The following MDFIC2 variants were observed in gnomAD, a reference collection of about 807,000 sequenced individuals.
The protein encoded by MDFIC2 is myoD family inhibitor domain-containing protein 2.
intron 2 of MDFIC2, among the ~76,000 whole-genome samples, chr3:70,238,110 A>G (rs1388318521): frequency 6.8e-6 from 1 of 147,940 alleles, no homozygotes; most frequent in African/African-American, 2.5e-5. Flanking sequence ...TGCTCCTCAC[A>G]CAGACATATG....
intron 2 of MDFIC2, among the ~76,000 whole-genome samples, chr3:70,207,979 C>T (rs1701308900): frequency 6.6e-6 from 1 of 151,962 alleles, no homozygotes; most frequent in Non-Finnish European, 1.5e-5. Flanking sequence ...CAGGCGTGGA[C>T]CTTGACCTTC....
At chr3:70,246,249 T>C (rs76246904) in intron 2 of MDFIC2, among the ~76,000 whole-genome samples, 2,336 of 152,166 alleles carry the variant, frequency 0.015, 42 homozygotes, top group African/African-American at 0.051. Flanking sequence ...AAAATTTCTG[T>C]TTTGTTCACC....
At chr3:70,218,320 T>C (rs1701433615) in intron 2 of MDFIC2, among the ~76,000 whole-genome samples, 1 of 152,178 alleles carries the variant, frequency 6.6e-6, no homozygotes, top group South Asian at 2.1e-4. Context: ...TGTGTATGCA[T>C]GTGCACATGG....
intron 2 of MDFIC2, among the ~76,000 whole-genome samples, chr3:70,224,854 G>T (rs1231036895): frequency 4.6e-5 from 7 of 151,892 alleles, no homozygotes; most frequent in Non-Finnish European, 8.8e-5. Context: ...ATCCAACAAA[G>T]AAAGGAGATG....
At chr3:70,270,204 G>A (rs546575673) in intron 2 of MDFIC2, among the ~76,000 whole-genome samples, 1 of 152,254 alleles carries the variant, frequency 6.6e-6, no homozygotes, top group Admixed American at 6.5e-5. Context: ...AAAAAAAGTG[G>A]TGGAAGTCTC....
intron 2 of MDFIC2, among the ~76,000 whole-genome samples, chr3:70,246,791 T>C (rs1701711502): frequency 6.6e-6 from 1 of 152,044 alleles, no homozygotes; most frequent in Non-Finnish European, 1.5e-5. Flanking sequence ...AAAAAACATT[T>C]TTAGAGGGAA....
intron 2 of MDFIC2, among the ~76,000 whole-genome samples, chr3:70,224,563 G>T (rs978098677): frequency 6.6e-6 from 1 of 152,086 alleles, no homozygotes; most frequent in Admixed American, 6.6e-5. Context: ...TATAATTTCC[G>T]CAATGCTCAC....
chr3:70,289,998 G>T (rs1369521105), intron 2 of MDFIC2, among the ~76,000 whole-genome samples: 5 of 152,038 alleles, frequency 3.3e-5, no homozygotes, highest in African/African-American at 9.7e-5. Flanking sequence ...CTTTGCCTTT[G>T]GTTTGAATGT....
At chr3:70,287,199 A>G (rs530500171) in intron 2 of MDFIC2, among the ~76,000 whole-genome samples, 2 of 138,196 alleles carry the variant, frequency 1.4e-5, no homozygotes, top group African/African-American at 5.6e-5. Flanking sequence ...TGGGTTTGTC[A>G]TAGATAGCTC....
At chr3:70,211,774 T>C (rs1488023552) in intron 2 of MDFIC2, among the ~76,000 whole-genome samples, 1 of 148,276 alleles carries the variant, frequency 6.7e-6, no homozygotes, top group Non-Finnish European at 1.5e-5. Context: ...CTCCCTTTCC[T>C]TTCCTCTCCT....
At chr3:70,270,363 A>G (rs1019684170) in intron 2 of MDFIC2, among the ~76,000 whole-genome samples, 1 of 152,190 alleles carries the variant, frequency 6.6e-6, no homozygotes, top group African/African-American at 2.4e-5. Context: ...CTGATCCCTA[A>G]ACTAGTATTA....
At chr3:70,295,586 C>G (rs546024525) in intron 2 of MDFIC2, among the ~76,000 whole-genome samples, 1 of 152,042 alleles carries the variant, frequency 6.6e-6, no homozygotes, top group East Asian at 1.9e-4. Context: ...ACCTGTAGTC[C>G]TATTCCTAAG....
intron 2 of MDFIC2, among the ~76,000 whole-genome samples, chr3:70,289,275 C>T (rs2106690593): frequency 6.6e-6 from 1 of 151,162 alleles, no homozygotes; most frequent in East Asian, 2.0e-4. Context: ...AATCTCTCAG[C>T]ATTTGCTTGT....
chr3:70,205,579 A>G (rs1701281984), intron 3 of MDFIC2: 1 of 151,970 alleles, frequency 6.6e-6, no homozygotes. Context: ...AACATACCCC[A>G]TGGTGTGAAC....
chr3:70,275,836 T>C (rs1270448186), intron 2 of MDFIC2, among the ~76,000 whole-genome samples: 1 of 152,230 alleles, frequency 6.6e-6, no homozygotes, highest in African/African-American at 2.4e-5. Context: ...AGAACTTTTC[T>C]GCTAAAATAT....
intron 3 of MDFIC2, among the ~76,000 whole-genome samples, chr3:70,202,767 G>T (rs1701253591): frequency 6.6e-6 from 1 of 152,108 alleles, no homozygotes; most frequent in Non-Finnish European, 1.5e-5. Context: ...TGAGCAAAGT[G>T]ATACCCTAAT....
intron 2 of MDFIC2, among the ~76,000 whole-genome samples, chr3:70,281,701 C>A (rs1041304673): frequency 6.6e-6 from 1 of 152,098 alleles, no homozygotes; most frequent in Non-Finnish European, 1.5e-5. Context: ...TTGCTTTTTG[C>A]CCCACCTCAA....
At position 70,258,068 on chromosome 3, in the gene MDFIC2, C is replaced by T. The variant is rs556863694; in HGVS notation, c.89-51278G>A. 2.6e-5 allele frequency among the ~76,000 whole-genome samples: 4 copies of T among 152,202 alleles called. No homozygotes were observed. In the East Asian group the frequency reaches 5.8e-4, roughly 22 times the overall value. ...TCATTAGATGGTGCTAGAAGAACATCTGGATATTCATAAGGAAAAGTTAAA... is the reference window on the plus strand; with the variant it reads ...TCATTAGATGGTGCTAGAAGAACATTTGGATATTCATAAGGAAAAGTTAAA... On this transcript the variant is annotated intron_variant, in intron 2 of 3. Coordinates refer to ENST00000567252, the MANE Select transcript of MDFIC2 (RefSeq NM_001364677.1).
At chr3:70,294,734 C>T (rs1702273688) in intron 2 of MDFIC2, among the ~76,000 whole-genome samples, 1 of 152,042 alleles carries the variant, frequency 6.6e-6, no homozygotes, top group South Asian at 2.1e-4. Context: ...GGCACAACAC[C>T]ACTTTTAAGA....
Sources: gnomAD v4.1 joint callset for allele counts (sites outside exome capture counted in the v4.1 genomes callset) on GRCh38, gnomAD v4.1.1 for gene constraint, MANE v1.5 for transcripts, NCBI Gene and HGNC (gene_info 2026-07-23, HGNC 2026-07-21) for gene names.